FOXN3: variants seen among roughly 807,000 people sequenced by gnomAD.
FOXN3 encodes forkhead box N3.
FOXN3 carries 7 observed loss-of-function variants against 38.4 expected under a neutral mutation model. That is an observed-to-expected ratio of 0.18 (90% CI 0.10 to 0.34). FOXN3 has a LOEUF of 0.34. FOXN3 is among the 10% of genes least tolerant of loss of function. FOXN3 has a pLI of 1.00. For synonymous variants in FOXN3, 230 were observed against 242.2 expected, an observed-to-expected ratio of 0.95 and a Z score of 0.47; for missense variants, 456 against 613.4, an observed-to-expected ratio of 0.74 and a Z score of 2.71.
chr14:89,376,594 C>A (rs1214624158), intron 2 of FOXN3, among the ~76,000 whole-genome samples: 1 of 152,156 alleles, frequency 6.6e-6, no homozygotes, highest in Non-Finnish European at 1.5e-5. Context: ...CAAAAACACA[C>A]CTTCCAATGG....
At chr14:89,546,629 C>G (rs925892204) in intron 1 of FOXN3, among the ~76,000 whole-genome samples, 3 of 151,476 alleles carry the variant, frequency 2.0e-5, no homozygotes, top group African/African-American at 4.9e-5. Flanking sequence ...GCACCCGGCC[C>G]CAATAGCTTC....
intron 4 of FOXN3, among the ~76,000 whole-genome samples, chr14:89,278,768 A>G (rs1287851486): frequency 2.0e-5 from 3 of 152,170 alleles, no homozygotes; most frequent in Non-Finnish European, 4.4e-5. Flanking sequence ...TCCACTTGCT[A>G]TAGGGAAAAA....
intron 2 of FOXN3, among the ~76,000 whole-genome samples, chr14:89,392,031 C>A (rs1890962375): frequency 6.6e-6 from 1 of 152,176 alleles, no homozygotes; most frequent in Non-Finnish European, 1.5e-5. Context: ...GTGATCCCTT[C>A]ATTCCCCATC....
chr14:89,505,872 C>T (rs1310698869), intron 1 of FOXN3, among the ~76,000 whole-genome samples: 5 of 149,688 alleles, frequency 3.3e-5, no homozygotes, highest in African/African-American at 9.8e-5. Flanking sequence ...ATGTGGGGAG[C>T]GCCTCTGCCC....
intron 3 of FOXN3, among the ~76,000 whole-genome samples, chr14:89,318,158 T>TC (rs1887782461): frequency 1.5e-5 from 1 of 67,660 alleles, no homozygotes; most frequent in African/African-American, 6.5e-5. Flanking sequence ...CTTCTTCTTC[T>TC]TCTCTTTTTT....
rs963861695 is a variant in FOXN3, at chr14:89,331,463, T to C, written c.680+19209A>G. Among the ~76,000 whole-genome samples the C allele has an allele frequency of 2.8e-5, 4 of 145,130 alleles. No homozygotes were observed. The East Asian group carries it at 8.3e-4, about 30-fold the overall frequency. ...TCATCCACCACCTGCTGATGGACGT[T>C]TGCGTTGTTTCCCTGAGTGTTGCTT... On this transcript the variant is annotated intron_variant, in intron 3 of 5. Coordinates refer to ENST00000557258, the MANE Select transcript of FOXN3 (RefSeq NM_005197.4).
intron 2 of FOXN3, among the ~76,000 whole-genome samples, chr14:89,398,650 G>C: frequency 6.6e-6 from 1 of 152,092 alleles, no homozygotes; most frequent in Non-Finnish European, 1.5e-5. Context: ...GAGGGAAAAA[G>C]AAAGCACAAA....
At chr14:89,592,868 G>A (rs899486768) in intron 1 of FOXN3, among the ~76,000 whole-genome samples, 3 of 152,156 alleles carry the variant, frequency 2.0e-5, no homozygotes, top group African/African-American at 7.2e-5. Flanking sequence ...CAGGCTTATA[G>A]AGCAACCAGG....
At chr14:89,186,654 C>T (rs1596087873) in intron 4 of FOXN3, among the ~76,000 whole-genome samples, 2 of 152,176 alleles carry the variant, frequency 1.3e-5, no homozygotes, top group South Asian at 4.1e-4. Context: ...TCCTATAGAG[C>T]GCGTGAGACA....
chr14:89,507,822 C>T (rs536525757), intron 1 of FOXN3, among the ~76,000 whole-genome samples: 6 of 151,772 alleles, frequency 4.0e-5, no homozygotes, highest in African/African-American at 7.2e-5. Context: ...TATGTAGTGA[C>T]GTAAGCCTGG....
At chr14:89,381,515 A>G (rs903858002) in intron 2 of FOXN3, among the ~76,000 whole-genome samples, 4 of 145,300 alleles carry the variant, frequency 2.8e-5, no homozygotes, top group Middle Eastern at 3.6e-3. Context: ...CTGCAGCCCA[A>G]AAAAAGCCTC....
At chr14:89,466,872 C>T (rs1263790291) in intron 1 of FOXN3, among the ~76,000 whole-genome samples, 12 of 152,212 alleles carry the variant, frequency 7.9e-5, no homozygotes, top group Non-Finnish European at 1.8e-4. Flanking sequence ...GGGCACACTG[C>T]TTTCATTACT....
chr14:89,611,737 C>T (rs574611616), intron 1 of FOXN3, among the ~76,000 whole-genome samples: 48 of 141,198 alleles, frequency 3.4e-4, no homozygotes, highest in Non-Finnish European at 5.1e-4. Flanking sequence ...ACCTGGGAGG[C>T]GGAGCTTGCA....
chr14:89,273,909 T>C (rs760697307), intron 4 of FOXN3, among the ~76,000 whole-genome samples: 4 of 152,090 alleles, frequency 2.6e-5, no homozygotes, highest in African/African-American at 9.7e-5. Flanking sequence ...GACTTAGGTG[T>C]TGGGGGGAAT....
At chr14:89,409,566 T>C (rs1048586960) in intron 2 of FOXN3, 4 of 152,384 alleles carry the variant, frequency 2.6e-5, no homozygotes, top group East Asian at 1.9e-4. Flanking sequence ...GATTCAAGCA[T>C]GCAGGAACTT....
intron 1 of FOXN3, among the ~76,000 whole-genome samples, chr14:89,425,154 TCCCGGG>T (rs1490425146): frequency 3.6e-5 from 5 of 138,994 alleles, no homozygotes; most frequent in Non-Finnish European, 7.6e-5. Flanking sequence ...TACCTCTGCC[TCCCGGG>T]TCCTGGTTCA....
intron 1 of FOXN3, among the ~76,000 whole-genome samples, chr14:89,464,991 T>C (rs1474642368): frequency 6.6e-6 from 1 of 152,100 alleles, no homozygotes; most frequent in East Asian, 1.9e-4. Flanking sequence ...CCACCGCACC[T>C]GACTTCCATG....
intron 2 of FOXN3, among the ~76,000 whole-genome samples, chr14:89,375,011 T>C (rs1254683501): frequency 6.6e-6 from 1 of 151,136 alleles, no homozygotes; most frequent in Non-Finnish European, 1.5e-5. Context: ...ATGTTATGAT[T>C]GCATTAATAC....
At chr14:89,278,257 C>T (rs1030695712) in intron 4 of FOXN3, among the ~76,000 whole-genome samples, 1 of 152,074 alleles carries the variant, frequency 6.6e-6, no homozygotes, top group Non-Finnish European at 1.5e-5. Flanking sequence ...AAAAGGGAAA[C>T]CCCTTATAAA....
Sources: gnomAD v4.1 joint callset for allele counts (sites outside exome capture counted in the v4.1 genomes callset) on GRCh38, gnomAD v4.1.1 for gene constraint, MANE v1.5 for transcripts, NCBI Gene and HGNC (gene_info 2026-07-23, HGNC 2026-07-21) for gene names.